The following GTF2IRD1 variants were observed in gnomAD, a reference collection of about 807,000 sequenced individuals.
The protein encoded by GTF2IRD1 is general transcription factor II-I repeat domain-containing protein 1.
A neutral mutation model predicts 113.2 loss-of-function variants in GTF2IRD1; 26 were observed. The observed-to-expected ratio is 0.23, with a 90% CI of 0.17 to 0.32. The LOEUF is 0.32. Ranked by LOEUF, GTF2IRD1 falls within the 10% of genes least tolerant of loss-of-function variation. The pLI is 1.00. For synonymous variants in GTF2IRD1, 484 were observed against 529.1 expected (o/e 0.91, Z 1.17); for missense variants, 864 against 1,280.8 (o/e 0.67, Z 4.97).
At chr7:74,564,282 C>T (rs1484428048) in intron 22 of GTF2IRD1, among the ~76,000 whole-genome samples, 1 of 152,190 alleles carries the variant, frequency 6.6e-6, no homozygotes, top group Non-Finnish European at 1.5e-5. Flanking sequence ...CCGCCTCAGC[C>T]TCCCAGAGTG....
chr7:74,583,894 C>T (rs759804506), intron 22 of GTF2IRD1, among the ~76,000 whole-genome samples: 4 of 152,108 alleles, frequency 2.6e-5, no homozygotes, highest in Non-Finnish European at 1.5e-5. Flanking sequence ...TGAGCCCCAG[C>T]GTGCAGATGA....
At chr7:74,534,436 T>C (rs1259029902) in intron 9 of GTF2IRD1, among the ~76,000 whole-genome samples, 1 of 152,090 alleles carries the variant, frequency 6.6e-6, no homozygotes, top group African/African-American at 2.4e-5. Flanking sequence ...ACCCCATCTC[T>C]ACTAAAAATA....
intron 7 of GTF2IRD1, 33 bp from the exon 8 acceptor site, chr7:74,524,038 C>T: frequency 1.3e-6 from 2 of 1,485,616 alleles, no homozygotes; most frequent in Non-Finnish European, 1.9e-6. Context: ...TCCCGTGGGG[C>T]CCTGCTCACT....
chr7:74,492,731 A>G (rs1554337006), intron 1 of GTF2IRD1, among the ~76,000 whole-genome samples: 1 of 151,190 alleles, frequency 6.6e-6, no homozygotes, highest in Non-Finnish European at 1.5e-5. Context: ...CTGGGCCAAA[A>G]TCAAGGTGCC....
At chr7:74,559,152 G>C in intron 21 of GTF2IRD1, 108 bp downstream of exon 21, 1 of 1,055,242 alleles carries the variant, frequency 9.5e-7, no homozygotes, top group Non-Finnish European at 1.4e-6. Flanking sequence ...CCCTGGACAA[G>C]GTGGCTCTCC....
At chr7:74,568,444 C>G (rs184933767) in intron 22 of GTF2IRD1, among the ~76,000 whole-genome samples, 2 of 151,312 alleles carry the variant, frequency 1.3e-5, no homozygotes, top group East Asian at 3.9e-4. Flanking sequence ...GTCAGGAGAT[C>G]AAGACCATCC....
intron 1 of GTF2IRD1, among the ~76,000 whole-genome samples, chr7:74,485,099 C>T (rs1376208307): frequency 2.0e-5 from 3 of 152,040 alleles, no homozygotes; most frequent in Admixed American, 6.5e-5. Flanking sequence ...GACCAAGGGC[C>T]CGGAGCTGGG....
intron 22 of GTF2IRD1, among the ~76,000 whole-genome samples, chr7:74,586,311 T>C (rs1486730058): frequency 6.6e-6 from 1 of 152,106 alleles, no homozygotes; most frequent in African/African-American, 2.4e-5. Context: ...CACATCCTAG[T>C]CCTGAAAGGA....
chr7:74,505,833 C>T (rs1554340926), intron 1 of GTF2IRD1, among the ~76,000 whole-genome samples: 1 of 152,230 alleles, frequency 6.6e-6, no homozygotes, highest in Admixed American at 6.5e-5. Flanking sequence ...TGCCACGGAA[C>T]ATCCCCAGCC....
chr7:74,555,298 C>T lies in GTF2IRD1; in HGVS notation c.1966+75C>T. ...CCCAGGCCTCTGCCACCAGCCCCTC[C>T]TCCTGCTGCCTCTGTCCTGCTCCCA... On this transcript the variant is annotated intron_variant, in intron 18 of 26. Transcript: ENST00000424337. This position sits in a 1 kb window ranked among gnomAD's most constrained non-coding sequence, Gnocchi z 5.3. 1 of 1,488,610 alleles carries T rather than the reference C, an allele frequency of 6.7e-7. No homozygotes were observed. Among genetic ancestry groups the T allele is most frequent in the Non-Finnish European group, 9.4e-7 (1 of 1,069,050 alleles). 92.2% of individuals were successfully genotyped at this position (1,488,610 alleles called of 1,614,324 possible).
intron 1 of GTF2IRD1, among the ~76,000 whole-genome samples, chr7:74,473,746 C>T (rs1270843822): frequency 6.6e-6 from 1 of 151,918 alleles, no homozygotes; most frequent in African/African-American, 2.4e-5. Context: ...CCATAACCCA[C>T]CCACCATCCT....
intron 1 of GTF2IRD1, among the ~76,000 whole-genome samples, chr7:74,492,160 T>C: frequency 6.7e-6 from 1 of 149,926 alleles, no homozygotes; most frequent in Non-Finnish European, 1.5e-5. Flanking sequence ...CACACTACCA[T>C]TCCCGGCTAA....
intron 1 of GTF2IRD1, among the ~76,000 whole-genome samples, chr7:74,479,421 G>A (rs1016922188): frequency 2.0e-5 from 3 of 151,686 alleles, no homozygotes; most frequent in South Asian, 2.1e-4. Context: ...CCAGGCTGGC[G>A]GTTGGGTTTC....
chr7:74,504,251 C>CT (rs5884949), intron 1 of GTF2IRD1, among the ~76,000 whole-genome samples: 151,276 of 152,250 alleles, frequency 0.99, 75,156 homozygotes, highest in Middle Eastern at 1. Context: ...GGGAAGTTGA[C>CT]TTTTGAACCC....
chr7:74,500,651 T>G (rs1281506848), intron 1 of GTF2IRD1, among the ~76,000 whole-genome samples: 1 of 152,190 alleles, frequency 6.6e-6, no homozygotes, highest in Non-Finnish European at 1.5e-5. Flanking sequence ...TGTGTGGTCT[T>G]TTCTGTCTCA....
intron 20 of GTF2IRD1, 32 bp downstream of exon 20, chr7:74,557,754 C>T (rs372422197): frequency 9.6e-5 from 132 of 1,370,034 alleles, no homozygotes; most frequent in South Asian, 1.8e-4. Context: ...GGGAGGGACA[C>T]GCAGCTGCTG....
intron 1 of GTF2IRD1, among the ~76,000 whole-genome samples, chr7:74,503,181 A>T (rs1232985540): frequency 6.6e-6 from 1 of 150,794 alleles, no homozygotes; most frequent in Non-Finnish European, 1.5e-5. Flanking sequence ...AAAAAAAAAT[A>T]CAGTGTCCAG....
rs561425075 is a variant in GTF2IRD1 at position 74,504,777 on chromosome 7, G to A, written c.-6-3298G>A. 4.1e-5 allele frequency among the ~76,000 whole-genome samples: 6 copies of A among 147,428 alleles called. No individual in the cohort carries two copies. The South Asian group carries it at 1.3e-3, about 32-fold the overall frequency. On this transcript the variant is annotated intron_variant, in intron 1 of 26. Transcript: ENST00000424337. ...GGCTGGAATGCAGTGGCGCCATCTC[G>A]GCTCACTGCAACCTCCACCGCCGGG...
At chr7:74,496,599 G>C (rs1459184650) in intron 1 of GTF2IRD1, among the ~76,000 whole-genome samples, 1 of 120,070 alleles carries the variant, frequency 8.3e-6, no homozygotes. Context: ...GGTGGGTGTG[G>C]GTGTGCATGT....
Sources: gnomAD v4.1 joint callset for allele counts (sites outside exome capture counted in the v4.1 genomes callset) on GRCh38, gnomAD v4.1.1 for gene constraint, Gnocchi (gnomAD v3.1) non-coding constraint, MANE v1.5 for transcripts, NCBI Gene and HGNC (gene_info 2026-07-23, HGNC 2026-07-21) for gene names.